COL14A1: variants seen among roughly 807,000 people sequenced by gnomAD.
The protein encoded by COL14A1 is collagen alpha-1(XIV) chain.
In COL14A1, 136 loss-of-function variants were observed where a neutral mutation model predicts 230.3. That is an observed-to-expected ratio of 0.59 (90% CI 0.51 to 0.68). COL14A1 has a LOEUF of 0.68. Ranked by LOEUF, COL14A1 falls within the 30% of genes least tolerant of loss-of-function variation. The pLI is 0.00. For synonymous variants in COL14A1, 792 were observed against 784.1 expected (o/e 1.01, Z -0.17); for missense variants, 1,976 against 2,215.8 (o/e 0.89, Z 2.17).
chr8:120,373,344 T>C lies in COL14A1; in HGVS notation c.*2113T>C, dbSNP rs1812221565. Among the ~76,000 whole-genome samples the C allele has an allele frequency of 6.6e-6, 1 of 152,196 alleles. No individual in the cohort carries two copies. Among genetic ancestry groups the C allele is most frequent in the Admixed American group, 6.5e-5 (1 of 15,276 alleles). On this transcript the variant is annotated 3_prime_UTR_variant, in exon 48 of 48. Coordinates refer to ENST00000297848, the MANE Select transcript of COL14A1 (RefSeq NM_021110.4). The stretch of plus-strand genomic sequence containing the variant: ...AAGAAAGTTACATTAATTTGGAATG[T>C]GTCATCACTTGGACCCAGTATATCA...
chr8:120,191,070 T>A (rs1269958828), intron 5 of COL14A1, among the ~76,000 whole-genome samples: 2 of 140,424 alleles, frequency 1.4e-5, no homozygotes, highest in Non-Finnish European at 3.1e-5. Context: ...TTTTAGTTAT[T>A]TCTTGCCTTC....
rs576422388 is a variant in COL14A1, at chr8:120,129,776, G to A, written c.-38+4436G>A. 2.0e-4 allele frequency among the ~76,000 whole-genome samples: 30 copies of A among 152,326 alleles called. 1 individual carries two copies. Among genetic ancestry groups the A allele is most frequent in the African/African-American group, 5.5e-4 (23 of 41,568 alleles). On this transcript the variant is annotated intron_variant, in intron 1 of 47. Coordinates refer to ENST00000297848, the MANE Select transcript of COL14A1 (RefSeq NM_021110.4). The stretch of plus-strand genomic sequence containing the variant: ...ATTTCAAGTGTCATTGACCCTAGGC[G>A]AAGTGTAAATTGTTTAGTTCATTAA...
At chr8:120,136,200 A>T (rs1440339753) in intron 1 of COL14A1, among the ~76,000 whole-genome samples, 1 of 152,172 alleles carries the variant, frequency 6.6e-6, no homozygotes, top group Non-Finnish European at 1.5e-5. Context: ...GGAGAAAAGC[A>T]TTCAATATTT....
chr8:120,265,360 T>A (rs1819471554), intron 24 of COL14A1, among the ~76,000 whole-genome samples: 1 of 152,148 alleles, frequency 6.6e-6, no homozygotes, highest in Non-Finnish European at 1.5e-5. Context: ...AAAATGGCTT[T>A]AGAAACATTT....
intron 1 of COL14A1, among the ~76,000 whole-genome samples, chr8:120,126,192 C>T (rs1814329707): frequency 6.6e-6 from 1 of 152,246 alleles, no homozygotes; most frequent in African/African-American, 2.4e-5. Flanking sequence ...GCATCCGGGG[C>T]AGCTGGGCTT....
At chr8:120,297,477 T>G (rs1477914196) in intron 34 of COL14A1, 34 bp from the exon 35 acceptor site, 48 of 1,125,926 alleles carry the variant, frequency 4.3e-5, no homozygotes, top group Non-Finnish European at 5.6e-5. Context: ...TTATATATAT[T>G]TTATTGAATG....
rs950650823 is a variant in COL14A1, at chr8:120,366,419, A to G, written c.5078-752A>G. On this transcript the variant is annotated intron_variant, in intron 45 of 47. Transcript: ENST00000297848. ...AAAAAACAGACAGCAAAGATCTTCT[A>G]TGATGTAAGCCAGGGTAACCCAGAC... 1.8e-4 allele frequency among the ~76,000 whole-genome samples: 27 copies of G among 152,348 alleles called. No individual in the cohort carries two copies. In the South Asian group the frequency reaches 1.9e-3, roughly 11 times the overall value.
chr8:120,353,937 C>A (rs1210044679), intron 45 of COL14A1, among the ~76,000 whole-genome samples: 3 of 147,164 alleles, frequency 2.0e-5, no homozygotes, highest in African/African-American at 7.6e-5. Context: ...AAGACACATG[C>A]ACATGTATGT....
intron 47 of COL14A1, 59 bp downstream of exon 47, chr8:120,369,544 A>G: frequency 7.0e-7 from 1 of 1,420,674 alleles, no homozygotes; most frequent in South Asian, 1.7e-5. Flanking sequence ...TATGCTTAGT[A>G]CCAAAATGGG....
intron 1 of COL14A1, among the ~76,000 whole-genome samples, chr8:120,133,237 A>T (rs1429582097): frequency 7.2e-5 from 11 of 151,974 alleles, no homozygotes; most frequent in African/African-American, 1.4e-4. Flanking sequence ...AAATAAAAAA[A>T]AAAAAAATAA....
intron 4 of COL14A1, among the ~76,000 whole-genome samples, chr8:120,166,904 GTGTGTGTGTGTGTGTGTGGTGGTGATGA>G (rs1195450873): frequency 6.7e-6 from 1 of 149,576 alleles, no homozygotes; most frequent in African/African-American, 2.5e-5. Context: ...GTGTGTGTGT[GTGTGTGTGTGTGTGTGTGGTGGTGATGA>G]TGGTGGTGGT....
intron 45 of COL14A1, among the ~76,000 whole-genome samples, chr8:120,349,352 G>A (rs554822696): frequency 3.6e-4 from 54 of 151,038 alleles, no homozygotes; most frequent in Admixed American, 1.3e-3. Flanking sequence ...AGGGAACGCA[G>A]CTCCTCACCA....
At chr8:120,325,847 G>A (rs1200836533) in intron 40 of COL14A1, among the ~76,000 whole-genome samples, 2 of 152,060 alleles carry the variant, frequency 1.3e-5, no homozygotes, top group African/African-American at 2.4e-5. Flanking sequence ...TCTTAGATTA[G>A]CTCCTTGGTG....
intron 44 of COL14A1, among the ~76,000 whole-genome samples, chr8:120,342,837 G>A (rs1822354721): frequency 6.6e-6 from 1 of 152,248 alleles, no homozygotes; most frequent in Middle Eastern, 3.4e-3. Flanking sequence ...ACAATTTATG[G>A]TGTTGATTTT....
At chr8:120,203,260 C>T (rs1817315867) in intron 8 of COL14A1, among the ~76,000 whole-genome samples, 1 of 151,744 alleles carries the variant, frequency 6.6e-6, no homozygotes, top group Non-Finnish European at 1.5e-5. Flanking sequence ...ATGAAATGTT[C>T]CTCTTTAAAG....
intron 11 of COL14A1, among the ~76,000 whole-genome samples, chr8:120,208,603 G>A (rs1334678868): frequency 6.6e-6 from 1 of 152,118 alleles, no homozygotes; most frequent in Non-Finnish European, 1.5e-5. Flanking sequence ...TCTTGGTGGT[G>A]AAGAGTACAA....
rs1390285202 is a variant in COL14A1 at position 120,371,126 on chromosome 8, TC to T, written c.5312-22del. 12 of 1,569,276 alleles carry T rather than the reference TC, an allele frequency of 7.6e-6. No homozygotes were observed. The Middle Eastern group carries it at 6.8e-4, about 89-fold the overall frequency. ...ATTTATGATTCCTGGGTGCAGCAAG[TC>T]CCCACCCCCACTTTTCCTCTTTAGC... On this transcript the variant is annotated intron_variant, in intron 47 of 47. Coordinates refer to ENST00000297848, the MANE Select transcript of COL14A1 (RefSeq NM_021110.4).
intron 11 of COL14A1, among the ~76,000 whole-genome samples, chr8:120,208,923 A>T (rs976633302): frequency 4.6e-5 from 7 of 152,218 alleles, no homozygotes; most frequent in Non-Finnish European, 8.8e-5. Context: ...CGAACATCTT[A>T]TAGTCATTTC....
At chr8:120,333,660 A>G (rs1363616655) in intron 42 of COL14A1, among the ~76,000 whole-genome samples, 2 of 152,174 alleles carry the variant, frequency 1.3e-5, no homozygotes. Context: ...TTGTTATCTT[A>G]CAGTTCCGCA....
Sources: allele counts gnomAD v4.1 joint callset (sites outside exome capture counted in the v4.1 genomes callset), GRCh38; gene constraint gnomAD v4.1.1; transcripts MANE v1.5; gene names NCBI Gene and HGNC (gene_info 2026-07-23, HGNC 2026-07-21).